The following TARBP1 variants were observed in gnomAD, a reference collection of about 807,000 sequenced individuals.
TARBP1 encodes tRNA (guanosine(18)-2'-O)-methyltransferase TARBP1.
In TARBP1, 144 loss-of-function variants were observed where a neutral mutation model predicts 178.6. That is an observed-to-expected ratio of 0.81 (90% CI 0.70 to 0.93). The LOEUF (loss-of-function observed/expected upper bound fraction) is 0.93. Ranked by LOEUF, TARBP1 falls within the 40% of genes least tolerant of loss-of-function variation. TARBP1 has a pLI of 0.00. For missense variants in TARBP1, 2,067 were observed against 2,011.7 expected (o/e 1.03, Z -0.53); for synonymous variants, 787 against 781.0 (o/e 1.01, Z -0.13).
chr1:234,452,729 G>C (rs1666901849), intron 9 of TARBP1, among the ~76,000 whole-genome samples: 1 of 152,174 alleles, frequency 6.6e-6, no homozygotes, highest in South Asian at 2.1e-4. Flanking sequence ...CAAATGAGTT[G>C]AAAAGTTATG....
At chr1:234,414,396 T>G (rs1051123351) in intron 22 of TARBP1, among the ~76,000 whole-genome samples, 1 of 151,850 alleles carries the variant, frequency 6.6e-6, no homozygotes, top group African/African-American at 2.4e-5. Context: ...AATAAGAAAT[T>G]AATAATAATA....
At chr1:234,432,613 G>A (rs1262787688) in intron 14 of TARBP1, among the ~76,000 whole-genome samples, 3 of 152,096 alleles carry the variant, frequency 2.0e-5, no homozygotes, top group African/African-American at 7.2e-5. Flanking sequence ...TCCATAAAAG[G>A]GGAGACCAGA....
chr1:234,437,270 C>G lies in TARBP1; in HGVS notation c.2232+5G>C. 1 of 1,410,460 alleles carries G rather than the reference C, an allele frequency of 7.1e-7. No individual in the cohort carries two copies. The highest frequency in any genetic ancestry group is 9.8e-7 in the Non-Finnish European group (1 of 1,024,380). The allele number at this position is 1,410,460 out of a possible 1,614,324, so 87.4% of individuals were successfully genotyped here. ...AAAAAGAAAGTTATTCCACTGAATA[C>G]TTACACTATTTAGCTCATTCATAGT... On this transcript the variant is annotated splice_donor_5th_base_variant and intron_variant, in intron 13 of 29. Transcript: ENST00000040877.
intron 1 of TARBP1, among the ~76,000 whole-genome samples, chr1:234,476,753 A>G (rs558130311): frequency 2.9e-4 from 44 of 152,358 alleles, no homozygotes; most frequent in South Asian, 2.5e-3. Context: ...ATATTTTATG[A>G]TATAACTAAG....
chr1:234,457,291 C>A (rs1406110642), intron 9 of TARBP1, among the ~76,000 whole-genome samples: 1 of 152,116 alleles, frequency 6.6e-6, no homozygotes, highest in Non-Finnish European at 1.5e-5. Context: ...AAGGACTGGA[C>A]AACTGGGTGG....
chr1:234,473,631 C>T (rs75258400), intron 1 of TARBP1, among the ~76,000 whole-genome samples: 2 of 152,178 alleles, frequency 1.3e-5, no homozygotes, highest in African/African-American at 2.4e-5. Context: ...GAGGAAAGAT[C>T]TGAAAATATA....
intron 22 of TARBP1, among the ~76,000 whole-genome samples, chr1:234,412,398 G>A (rs2103070393): frequency 6.6e-6 from 1 of 151,660 alleles, no homozygotes; most frequent in African/African-American, 2.4e-5. Flanking sequence ...CTCCAGCCTG[G>A]GGGACAGAGA....
In TARBP1 at chr1:234,425,750, A is replaced by C; in HGVS notation, c.3367T>G (p.Phe1123Val). ...TTGGAGCCATCTAATAAACACAGGA[A>C]TTTGACAGCACAAATTCTCACATAA... The part of the protein sequence containing the change: ...DHYVRICAVK[F>V]LCLLDGSNMS... Residue 1123 changes from phenylalanine to valine, a missense_variant, in exon 20 of 30, where the codon TTC becomes GTC. By Grantham distance (50) the Phe-to-Val change is conservative. Coordinates refer to ENST00000040877, the MANE Select transcript of TARBP1 (RefSeq NM_005646.4). The C allele has an allele frequency of 1.2e-6, 2 of 1,605,320 alleles. No homozygotes were observed.
At chr1:234,409,034 G>A (rs1294619969) in intron 23 of TARBP1, among the ~76,000 whole-genome samples, 1 of 152,200 alleles carries the variant, frequency 6.6e-6, no homozygotes, top group Admixed American at 6.5e-5. Context: ...AAAGTCTTAA[G>A]TGATTGCTTC....
At chr1:234,401,358 G>T in intron 24 of TARBP1, 96 bp from the exon 25 acceptor site, 1 of 870,246 alleles carries the variant, frequency 1.1e-6, no homozygotes, top group Non-Finnish European at 1.8e-6. Context: ...CTGCAGAGTT[G>T]AGAAGGAACA....
rs779932946 is a variant in TARBP1, at chr1:234,478,266, T to A, written c.838A>T (p.Thr280Ser). The change falls in exon 1 of 30, where the codon ACG becomes TCG. Residue 280 changes from threonine to serine, a missense_variant. By Grantham distance (58) the Thr-to-Ser change is moderately conservative (BLOSUM62 1). Coordinates refer to ENST00000040877, the MANE Select transcript of TARBP1 (RefSeq NM_005646.4). The stretch of plus-strand genomic sequence containing the variant: ...AGCAGGTAGCGCGCTCGCTTGCGCG[T>A]CAGGGCGTCCGCCTGGCCCAGCCCC... ...QAGLGQADAL[T>S]RKRARYLLQR... 6.2e-7 allele frequency: 1 copy of A among 1,600,762 alleles called. No individual in the cohort carries two copies. The highest frequency in any genetic ancestry group is 8.5e-7 in the Non-Finnish European group (1 of 1,175,504).
intron 22 of TARBP1, among the ~76,000 whole-genome samples, chr1:234,413,475 A>AAAAAC (rs71576421): frequency 0.28 from 42,322 of 151,702 alleles, 6,094 homozygotes; most frequent in East Asian, 0.38. Context: ...ACTCCATTGC[A>AAAAAC]AAAACAAAAC....
chr1:234,430,945 T>C (rs1664373257), intron 14 of TARBP1, among the ~76,000 whole-genome samples: 1 of 152,194 alleles, frequency 6.6e-6, no homozygotes. Context: ...CACGGGGTTA[T>C]TGTGAAGATT....
chr1:234,463,055 A>T (rs1194681173), intron 6 of TARBP1, among the ~76,000 whole-genome samples: 2 of 152,222 alleles, frequency 1.3e-5, no homozygotes, highest in African/African-American at 4.8e-5. Context: ...CATTAGAATG[A>T]ACACTACATC....
chr1:234,416,959 A>G (rs1425601527), intron 22 of TARBP1, among the ~76,000 whole-genome samples: 10 of 152,234 alleles, frequency 6.6e-5, no homozygotes, highest in Admixed American at 6.5e-4. Flanking sequence ...AAAACCAAGC[A>G]TAAGGGTTGG....
intron 1 of TARBP1, among the ~76,000 whole-genome samples, chr1:234,476,819 A>G (rs906777124): frequency 3.3e-5 from 5 of 152,256 alleles, no homozygotes; most frequent in African/African-American, 1.2e-4. Flanking sequence ...AAGAGGCCAC[A>G]GGATTTGCTT....
chr1:234,427,098 C>T (rs945110720), intron 19 of TARBP1, among the ~76,000 whole-genome samples: 9 of 152,108 alleles, frequency 5.9e-5, no homozygotes. Context: ...GCACTAAAAA[C>T]TTTTAAAATT....
chr1:234,422,407 A>G (rs1663205796), intron 20 of TARBP1, among the ~76,000 whole-genome samples: 1 of 152,198 alleles, frequency 6.6e-6, no homozygotes, highest in African/African-American at 2.4e-5. Flanking sequence ...TGGCCATAAA[A>G]AAGAATGAGA....
chr1:234,465,069 C>CGGATGGAT (rs34607418), intron 5 of TARBP1, among the ~76,000 whole-genome samples: 15,688 of 150,718 alleles, frequency 0.1, 1,122 homozygotes, highest in South Asian at 0.22. Context: ...GATGGATGAA[C>CGGATGGAT]GGATGGATGG....
Sources: allele counts gnomAD v4.1 joint callset (sites outside exome capture counted in the v4.1 genomes callset), GRCh38; gene constraint gnomAD v4.1.1; transcripts MANE v1.5; gene names NCBI Gene and HGNC (gene_info 2026-07-23, HGNC 2026-07-21).